The following CCDC148 variants were observed in gnomAD, a reference collection of about 807,000 sequenced individuals.
CCDC148 encodes the protein coiled-coil domain containing 148, also known as coiled-coil domain-containing protein 148.
A neutral mutation model predicts 85.7 loss-of-function variants in CCDC148; 89 were observed. The observed-to-expected ratio is 1.04, with a 90% confidence interval of 0.87 to 1.24. The LOEUF is 1.24. Ranked by LOEUF, CCDC148 falls within the 50% of genes most tolerant of loss-of-function variation. CCDC148 has a pLI of 0.00. For missense variants in CCDC148, 692 were observed against 671.7 expected (o/e 1.03, Z -0.33); for synonymous variants, 230 against 213.9 (o/e 1.08, Z -0.66).
intron 1 of CCDC148, among the ~76,000 whole-genome samples, chr2:158,359,342 G>T (rs949703568): frequency 1.3e-5 from 2 of 152,190 alleles, no homozygotes; most frequent in African/African-American, 4.8e-5. Flanking sequence ...GCTCTCAAAT[G>T]ATTTCAGGCC....
intron 9 of CCDC148, among the ~76,000 whole-genome samples, chr2:158,303,567 T>C (rs1241953212): frequency 6.6e-6 from 1 of 152,228 alleles, no homozygotes; most frequent in Non-Finnish European, 1.5e-5. Flanking sequence ...TTTTATGATA[T>C]CATTCTGATC....
chr2:158,423,073 A>G (rs1388774125), intron 1 of CCDC148, among the ~76,000 whole-genome samples: 1 of 152,222 alleles, frequency 6.6e-6, no homozygotes, highest in African/African-American at 2.4e-5. Context: ...GCTCAACGAA[A>G]TAAAAGAGGA....
rs139200937 is a variant in CCDC148 at position 158,309,529 on chromosome 2, C to T, written c.1014G>A (p.Leu338=). 3 of 1,613,952 alleles carry T rather than the reference C, an allele frequency of 1.9e-6. No individual in the cohort carries two copies. In the African/African-American group the frequency reaches 4.0e-5, roughly 22 times the overall value. Residue 338 remains leucine (L), a synonymous_variant, in exon 9 of 14, where the codon CTG becomes CTA. Transcript: ENST00000283233. ...GTGTTGCACAAGCCTCAGTGAGTGT[C>T]AGCACAGCCTTCTGTATAAAGTCTT... The part of the protein sequence containing the change: ...NKKDFIQKAV[L]TLTEACATHE...
At chr2:158,454,068 G>T (rs1306499913) in intron 1 of CCDC148, among the ~76,000 whole-genome samples, 2 of 152,232 alleles carry the variant, frequency 1.3e-5, no homozygotes, top group African/African-American at 4.8e-5. Flanking sequence ...CCAACTTGGA[G>T]GCAAAGGACA....
chr2:158,172,013 G>T lies in CCDC148; in HGVS notation c.*100C>A. ...TTTTAATAGATGCTATGATTTCTAT[G>T]TCTGATATTTCAAACATTTTAGAAA... On this transcript the variant is annotated 3_prime_UTR_variant, in exon 14 of 14. Transcript: ENST00000283233. The T allele has an allele frequency of 1.1e-6, 1 of 920,500 alleles. No homozygotes were observed. Among genetic ancestry groups the T allele is most frequent in the Non-Finnish European group, 1.6e-6 (1 of 632,104 alleles). The allele number at this position is 920,500 out of a possible 1,614,324, so 57.0% of individuals were successfully genotyped here.
intron 10 of CCDC148, among the ~76,000 whole-genome samples, chr2:158,221,894 G>C (rs749992259): frequency 7.2e-5 from 11 of 152,182 alleles, no homozygotes; most frequent in Non-Finnish European, 1.5e-4. Context: ...TGGAGAGAGA[G>C]AGAGAGAGGG....
intron 1 of CCDC148, among the ~76,000 whole-genome samples, chr2:158,365,096 C>G (rs1355270126): frequency 2.6e-5 from 4 of 152,150 alleles, no homozygotes; most frequent in Non-Finnish European, 5.9e-5. Context: ...CAAATCAAAA[C>G]CACAATGAGA....
At chr2:158,174,062 T>G (rs1180394937) in intron 13 of CCDC148, among the ~76,000 whole-genome samples, 1 of 152,010 alleles carries the variant, frequency 6.6e-6, no homozygotes, top group Non-Finnish European at 1.5e-5. Context: ...TTTCCCTAAA[T>G]CTGTTTTTCT....
intron 1 of CCDC148, among the ~76,000 whole-genome samples, chr2:158,407,053 C>T (rs889569301): frequency 5.3e-5 from 8 of 152,142 alleles, no homozygotes; most frequent in Non-Finnish European, 8.8e-5. Flanking sequence ...ATTTCTTCCC[C>T]ACTCAGTATT....
chr2:158,335,205 T>C (rs969041279), intron 7 of CCDC148, among the ~76,000 whole-genome samples: 8 of 152,152 alleles, frequency 5.3e-5, no homozygotes, highest in African/African-American at 1.9e-4. Context: ...AGCAGTAACG[T>C]CAGCCATGTG....
intron 1 of CCDC148, among the ~76,000 whole-genome samples, chr2:158,387,756 A>T (rs1328764515): frequency 3.9e-5 from 6 of 151,974 alleles, no homozygotes; most frequent in Middle Eastern, 3.2e-3. Context: ...TTGGGCACTG[A>T]CACAGTGCAC....
At chr2:158,228,378 C>A (rs1395080508) in intron 10 of CCDC148, among the ~76,000 whole-genome samples, 2 of 152,050 alleles carry the variant, frequency 1.3e-5, no homozygotes, top group East Asian at 1.9e-4. Flanking sequence ...AACTAGTTCA[C>A]CCATTATGGA....
At position 158,360,089 on chromosome 2, in the gene CCDC148, G is replaced by A. The variant is rs6756865; in HGVS notation, c.26-1519C>T. On this transcript the variant is annotated intron_variant, in intron 1 of 13. Coordinates refer to ENST00000283233, the MANE Select transcript of CCDC148 (RefSeq NM_138803.4). ...TTCCAACTGGGCGGAGCCCTCTGAA[G>A]CTCAGCAAATCTGCTGTAGACAGAC... 5.0e-3 allele frequency among the ~76,000 whole-genome samples: 755 copies of A among 152,306 alleles called. 5 individuals carry two copies. The highest frequency in any genetic ancestry group is 0.016 in the African/African-American group (683 of 41,564).
At chr2:158,175,433 C>T (rs1474716660) in intron 13 of CCDC148, among the ~76,000 whole-genome samples, 1 of 152,018 alleles carries the variant, frequency 6.6e-6, no homozygotes, top group Non-Finnish European at 1.5e-5. Flanking sequence ...CTCTCTGACA[C>T]CTTCTCTGAC....
chr2:158,285,534 C>CT lies in CCDC148; in HGVS notation c.1110+23898dup, dbSNP rs554409769. ...GCAAACTAAAACTATAAGGTAACTA[C>CT]TTTTTTTTTTTTTTGAGACGGAGTC... On this transcript the variant is annotated intron_variant, in intron 9 of 13. Coordinates refer to ENST00000283233, the MANE Select transcript of CCDC148 (RefSeq NM_138803.4). 2.1e-3 allele frequency among the ~76,000 whole-genome samples: 295 copies of CT among 143,848 alleles called. 1 individual carries two copies. Among genetic ancestry groups the CT allele is most frequent in the African/African-American group, 4.7e-3 (187 of 39,540 alleles). The allele number at this position is 143,848 out of a possible 152,430, so 94.4% of individuals were successfully genotyped here.
At chr2:158,197,254 T>C (rs1447776801) in intron 11 of CCDC148, among the ~76,000 whole-genome samples, 8 of 152,270 alleles carry the variant, frequency 5.3e-5, no homozygotes, top group African/African-American at 1.9e-4. Context: ...AAGGTTTTAT[T>C]TCTCCTAAAG....
At chr2:158,413,079 G>A (rs1686337421) in intron 1 of CCDC148, among the ~76,000 whole-genome samples, 1 of 151,742 alleles carries the variant, frequency 6.6e-6, no homozygotes, top group Admixed American at 6.6e-5. Flanking sequence ...TTCCAAACAA[G>A]GTACTAAAAT....
intron 9 of CCDC148, among the ~76,000 whole-genome samples, chr2:158,266,955 TA>T (rs1297054355): frequency 7.0e-6 from 1 of 142,734 alleles, no homozygotes; most frequent in Non-Finnish European, 1.6e-5. Context: ...TGTGTGTGTA[TA>T]TATATATATA....
chr2:158,370,958 A>C (rs1248390495), intron 1 of CCDC148, among the ~76,000 whole-genome samples: 1 of 151,828 alleles, frequency 6.6e-6, no homozygotes, highest in Non-Finnish European at 1.5e-5. Flanking sequence ...TAACACTGGC[A>C]ATTTCTGGGT....
Sources: allele counts gnomAD v4.1 joint callset (sites outside exome capture counted in the v4.1 genomes callset), GRCh38; gene constraint gnomAD v4.1.1; transcripts MANE v1.5; gene names NCBI Gene and HGNC (gene_info 2026-07-23, HGNC 2026-07-21).